HIVEP3: variants seen among roughly 807,000 people sequenced by gnomAD.
HIVEP3 encodes the protein transcription factor HIVEP3.
A neutral mutation model predicts 152.8 loss-of-function variants in HIVEP3; 49 were observed. The ratio of observed to expected loss-of-function variants is 0.32; its 90% CI spans 0.26 to 0.41. The LOEUF (loss-of-function observed/expected upper bound fraction) is 0.41. HIVEP3 is among the 10% of genes least tolerant of loss of function. The pLI is 1.00. For missense variants in HIVEP3, 2,790 were observed against 3,103.3 expected (o/e 0.90, Z 2.40); for synonymous variants, 1,269 against 1,289.0 (o/e 0.98, Z 0.33).
chr1:41,571,188 C>T (rs1885653), intron 5 of HIVEP3, among the ~76,000 whole-genome samples: 41,202 of 152,052 alleles, frequency 0.27, 5,949 homozygotes, highest in East Asian at 0.46. Flanking sequence ...ACACACCACC[C>T]AACTGGGCTT....
chr1:41,851,861 C>G (rs1036207237), intron 1 of HIVEP3, among the ~76,000 whole-genome samples: 5 of 152,116 alleles, frequency 3.3e-5, no homozygotes, highest in African/African-American at 1.2e-4. Context: ...TTCCTGGATA[C>G]AGGGCTTGGG....
intron 2 of HIVEP3, among the ~76,000 whole-genome samples, chr1:41,650,185 AG>A (rs1645525888): frequency 6.6e-6 from 1 of 151,946 alleles, no homozygotes. Flanking sequence ...TCTTCAAAAG[AG>A]GGTCAAGAAG....
intron 1 of HIVEP3, among the ~76,000 whole-genome samples, chr1:41,718,327 C>G (rs530297915): frequency 2.0e-5 from 3 of 152,234 alleles, no homozygotes; most frequent in Non-Finnish European, 2.9e-5. Flanking sequence ...CTGTACCCTA[C>G]GCTTGCTATG....
intron 1 of HIVEP3, among the ~76,000 whole-genome samples, chr1:41,905,284 G>C (rs145019677): frequency 7.9e-5 from 12 of 152,300 alleles, no homozygotes; most frequent in Admixed American, 7.8e-4. Flanking sequence ...CAGCATCTGA[G>C]CTGGAAGAAG....
chr1:41,838,924 C>T (rs1356680155), intron 1 of HIVEP3, among the ~76,000 whole-genome samples: 2 of 152,206 alleles, frequency 1.3e-5, no homozygotes, highest in African/African-American at 4.8e-5. Context: ...GAAAGAGCAT[C>T]TGATCAGAGA....
chr1:41,526,733 A>G (rs1642949689), intron 5 of HIVEP3, among the ~76,000 whole-genome samples: 1 of 74,780 alleles, frequency 1.3e-5, no homozygotes, highest in African/African-American at 5.3e-5. Flanking sequence ...TCACACACTC[A>G]CCCTAAAACG....
At position 41,510,420 on chromosome 1, in the gene HIVEP3, G is replaced by A; in HGVS notation, c.*31C>T. 2.1e-6 allele frequency: 3 copies of A among 1,442,108 alleles called. No homozygotes were observed. Among genetic ancestry groups the A allele is most frequent in the Non-Finnish European group, 2.7e-6 (3 of 1,094,436 alleles). 89.3% of individuals were successfully genotyped at this position (1,442,108 alleles called of 1,614,324 possible). A position where few individuals can be genotyped will look rare whatever the true frequency, so the allele number is the denominator to read the frequency against. ...TGGAAACGTCTGTTGCTGGACACTG[G>A]AAGCCAGATGCTGAAGCAGTTGGAG... On this transcript the variant is annotated 3_prime_UTR_variant, in exon 9 of 9. Transcript: ENST00000372583.
intron 5 of HIVEP3, among the ~76,000 whole-genome samples, chr1:41,562,632 TCCCTCTCTCTC>T (rs1644093911): frequency 2.5e-5 from 3 of 121,174 alleles, no homozygotes; most frequent in East Asian, 2.4e-4. Flanking sequence ...TCTCTCTCTC[TCCCTCTCTCTC>T]TCTTTCTTTC....
chr1:41,835,438 A>T (rs558633565), intron 1 of HIVEP3, among the ~76,000 whole-genome samples: 16 of 152,334 alleles, frequency 1.1e-4, no homozygotes, highest in Non-Finnish European at 2.1e-4. Flanking sequence ...AAGGACATCA[A>T]TCCTATTAGT....
intron 1 of HIVEP3, among the ~76,000 whole-genome samples, chr1:41,869,229 C>T (rs1189915453): frequency 6.6e-6 from 1 of 152,208 alleles, no homozygotes; most frequent in Non-Finnish European, 1.5e-5. Context: ...AAAGACAACG[C>T]TCTTAAGGAG....
chr1:41,797,729 C>T (rs1334429522), intron 1 of HIVEP3, among the ~76,000 whole-genome samples: 1 of 152,148 alleles, frequency 6.6e-6, no homozygotes, highest in Non-Finnish European at 1.5e-5. Context: ...TGGCTCATGC[C>T]TGTAATTCCA....
intron 1 of HIVEP3, among the ~76,000 whole-genome samples, chr1:41,931,626 G>A (rs1024048256): frequency 3.3e-5 from 5 of 151,914 alleles, no homozygotes; most frequent in African/African-American, 4.8e-5. Flanking sequence ...TTATTTTACT[G>A]TTCTTTAATT....
chr1:41,734,042 C>T (rs1250544575), intron 1 of HIVEP3, among the ~76,000 whole-genome samples: 1 of 152,110 alleles, frequency 6.6e-6, no homozygotes, highest in Non-Finnish European at 1.5e-5. Flanking sequence ...CAGCCCTCAC[C>T]CCCTCCTTGC....
intron 5 of HIVEP3, among the ~76,000 whole-genome samples, chr1:41,535,228 A>T (rs1643369023): frequency 6.6e-6 from 1 of 152,126 alleles, no homozygotes; most frequent in Non-Finnish European, 1.5e-5. Context: ...GACCTGTTAC[A>T]CTGCAGACAA....
chr1:41,729,971 C>T (rs1209006580), intron 1 of HIVEP3, among the ~76,000 whole-genome samples: 1 of 152,218 alleles, frequency 6.6e-6, no homozygotes, highest in Non-Finnish European at 1.5e-5. Context: ...AATACTGTGC[C>T]TGTTTTCCAG....
At position 41,837,488 on chromosome 1, in the gene HIVEP3, C is replaced by T. The variant is rs142397356; in HGVS notation, c.-801+80925G>A. Among the ~76,000 whole-genome samples, 731 of 152,028 alleles carry T rather than the reference C, an allele frequency of 4.8e-3. 3 individuals carry two copies. The highest frequency in any genetic ancestry group is 0.017 in the African/African-American group (691 of 41,450). ...ATTACAGGCATGCACCACCACACCC[C>T]GCTAATTTTATATTTATAGTAAAGA... On this transcript the variant is annotated intron_variant, in intron 1 of 8. Transcript: ENST00000372583.
Position 41,584,198 on chromosome 1 carries a change from G to C in HIVEP3, c.600C>G (p.Pro200=). The C allele has an allele frequency of 1.2e-6, 2 of 1,614,224 alleles. No homozygotes were observed. The highest frequency in any genetic ancestry group is 8.5e-7 in the Non-Finnish European group (1 of 1,180,048). ...TCTGGAGCACGCTGGGCTTGGCACA[G>C]GGCCGGCTGCAGTACTGGCAGATGT... ...GKYICQYCSR[P]CAKPSVLQKH... The change falls in exon 4 of 9, where the codon CCC becomes CCG. Residue 200 remains proline (P), a synonymous_variant. Transcript: ENST00000372583. This position sits in a 1 kb window ranked among gnomAD's most constrained non-coding sequence, Gnocchi z 5.2.
chr1:41,530,802 C>G (rs916048838), intron 5 of HIVEP3, among the ~76,000 whole-genome samples: 2 of 152,216 alleles, frequency 1.3e-5, no homozygotes, highest in Non-Finnish European at 2.9e-5. Context: ...TCATTTCCTC[C>G]TCCACATCAA....
At chr1:41,785,029 A>G (rs1041434905) in intron 1 of HIVEP3, among the ~76,000 whole-genome samples, 1 of 152,216 alleles carries the variant, frequency 6.6e-6, no homozygotes, top group Non-Finnish European at 1.5e-5. Context: ...AGGGCAGCAA[A>G]GGGAAACTGT....
Sources: gnomAD v4.1 joint callset for allele counts (sites outside exome capture counted in the v4.1 genomes callset) on GRCh38, gnomAD v4.1.1 for gene constraint, Gnocchi (gnomAD v3.1) non-coding constraint, MANE v1.5 for transcripts, NCBI Gene and HGNC (gene_info 2026-07-23, HGNC 2026-07-21) for gene names.